The following OSBP2 variants were observed in gnomAD, a reference collection of about 807,000 sequenced individuals.
OSBP2 encodes oxysterol-binding protein 2.
Under a neutral mutation model 96.0 loss-of-function variants are expected in OSBP2, and 66 were observed. The observed-to-expected ratio is 0.69, with a 90% CI of 0.56 to 0.84. The LOEUF is 0.84. Among genes scored for constraint, OSBP2 ranks in the 40% least tolerant of loss-of-function variants. The pLI is 0.00. For missense variants in OSBP2, 1,038 were observed against 1,222.7 expected, an observed-to-expected ratio of 0.85 and a Z score of 2.25; for synonymous variants, 525 against 520.9, an observed-to-expected ratio of 1.01 and a Z score of -0.11.
intron 5 of OSBP2, among the ~76,000 whole-genome samples, chr22:30,888,884 G>A (rs1350698738): frequency 6.6e-6 from 1 of 152,220 alleles, no homozygotes; most frequent in East Asian, 1.9e-4. Flanking sequence ...TGTACAACAT[G>A]TGACTGTACT....
intron 2 of OSBP2, among the ~76,000 whole-genome samples, chr22:30,786,288 G>C (rs2090589666): frequency 6.6e-6 from 1 of 152,128 alleles, no homozygotes; most frequent in African/African-American, 2.4e-5. Flanking sequence ...CTCCCAAAGT[G>C]CTGGGATTTC....
At chr22:30,889,144 A>G (rs1229814223) in intron 5 of OSBP2, 33 bp from the exon 6 acceptor site, 2 of 1,605,120 alleles carry the variant, frequency 1.2e-6, no homozygotes, top group Non-Finnish European at 1.7e-6. Context: ...CTCGGGATTC[A>G]TTAGTAACTT....
At chr22:30,737,326 T>TC (rs1257170326) in intron 1 of OSBP2, among the ~76,000 whole-genome samples, 1 of 147,338 alleles carries the variant, frequency 6.8e-6, no homozygotes, top group African/African-American at 2.5e-5. Flanking sequence ...TTTTTTTTTT[T>TC]TTTTTTTTTT....
chr22:30,871,952 C>T lies in OSBP2; in HGVS notation c.1107+1270C>T, dbSNP rs1238051536. ...CCCAAATGCAGCCTTGGGAATCCCA[C>T]CCTGGGGCCTGAGGCTGGGCGAGGT... On this transcript the variant is annotated intron_variant, in intron 3 of 13. Transcript: ENST00000332585. The surrounding 1 kb of genome is among the most constrained non-coding windows in gnomAD (Gnocchi z 4.7). Among the ~76,000 whole-genome samples, 1 of 152,260 alleles carries T rather than the reference C, an allele frequency of 6.6e-6. No homozygotes were observed. The highest frequency in any genetic ancestry group is 1.5e-5 in the Non-Finnish European group (1 of 68,042).
At chr22:30,808,330 G>A (rs937981454) in intron 2 of OSBP2, among the ~76,000 whole-genome samples, 3 of 152,016 alleles carry the variant, frequency 2.0e-5, no homozygotes, top group African/African-American at 4.8e-5. Context: ...GCAAGATCCT[G>A]TCTCTACAAA....
At chr22:30,726,815 T>A (rs2089658924) in intron 1 of OSBP2, among the ~76,000 whole-genome samples, 1 of 152,120 alleles carries the variant, frequency 6.6e-6, no homozygotes, top group Non-Finnish European at 1.5e-5. Context: ...ATCAGGCCAG[T>A]AGAAAAATGA....
intron 3 of OSBP2, among the ~76,000 whole-genome samples, chr22:30,882,454 C>T (rs1409071696): frequency 6.6e-6 from 1 of 151,192 alleles, no homozygotes; most frequent in Non-Finnish European, 1.5e-5. Context: ...TGGCCTTGGG[C>T]GAGTCCCTCA....
chr22:30,701,347 T>TC (rs1367890187), intron 1 of OSBP2, among the ~76,000 whole-genome samples: 1 of 146,956 alleles, frequency 6.8e-6, no homozygotes, highest in East Asian at 2.0e-4. Flanking sequence ...TTCTTTTCTT[T>TC]TTTTTTTTTT....
intron 2 of OSBP2, among the ~76,000 whole-genome samples, chr22:30,799,511 G>C (rs1446958572): frequency 1.3e-5 from 2 of 152,244 alleles, no homozygotes; most frequent in Admixed American, 1.3e-4. Context: ...TCTTATTACA[G>C]ATGAGGAAAC....
At chr22:30,838,033 T>C (rs2038674277) in intron 2 of OSBP2, among the ~76,000 whole-genome samples, 1 of 152,216 alleles carries the variant, frequency 6.6e-6, no homozygotes, top group Admixed American at 6.5e-5. Flanking sequence ...GAGGTACATA[T>C]TTTTTCTATT....
chr22:30,787,318 A>G (rs1485143327), intron 2 of OSBP2, among the ~76,000 whole-genome samples: 1 of 152,148 alleles, frequency 6.6e-6, no homozygotes. Context: ...ATGGGAGCTA[A>G]GAGGAGGGGG....
chr22:30,755,979 A>T (rs533530159), intron 2 of OSBP2, among the ~76,000 whole-genome samples: 1 of 152,112 alleles, frequency 6.6e-6, no homozygotes, highest in Admixed American at 6.5e-5. Flanking sequence ...GCTGTGCCTT[A>T]ACGTGGAGCA....
chr22:30,809,902 AGCTG>A (rs553155171), intron 2 of OSBP2, among the ~76,000 whole-genome samples: 72 of 152,262 alleles, frequency 4.7e-4, no homozygotes, highest in African/African-American at 1.7e-3. Flanking sequence ...AAACTGCAGG[AGCTG>A]ACCCTCAGGT....
At chr22:30,784,454 G>A (rs1256472140) in intron 2 of OSBP2, among the ~76,000 whole-genome samples, 1 of 151,816 alleles carries the variant, frequency 6.6e-6, no homozygotes, top group Non-Finnish European at 1.5e-5. Flanking sequence ...AGACGAGGTC[G>A]TGCTATGTTG....
chr22:30,720,517 T>A (rs917825665), intron 1 of OSBP2, among the ~76,000 whole-genome samples: 2 of 152,096 alleles, frequency 1.3e-5, no homozygotes, highest in Non-Finnish European at 2.9e-5. Context: ...CAAGACAGAG[T>A]TAGGCAGGAA....
chr22:30,747,881 TTTTA>T (rs934911123), intron 2 of OSBP2, among the ~76,000 whole-genome samples: 7 of 152,304 alleles, frequency 4.6e-5, no homozygotes, highest in African/African-American at 1.7e-4. Context: ...TTATTTTTAT[TTTTA>T]TTTATTTATA....
chr22:30,693,961 T>C, upstream of OSBP2: 2 of 1,039,578 alleles, frequency 1.9e-6, no homozygotes, highest in Non-Finnish European at 2.7e-6. Flanking sequence ...TGAGACTCAG[T>C]CTCAAAAAGG....
At chr22:30,864,822 A>G (rs2039296992) in intron 2 of OSBP2, among the ~76,000 whole-genome samples, 1 of 152,142 alleles carries the variant, frequency 6.6e-6, no homozygotes, top group Admixed American at 6.5e-5. Context: ...AGTGACACCC[A>G]TGAGGGGACG....
At chr22:30,708,850 C>T (rs1401015537) in intron 1 of OSBP2, among the ~76,000 whole-genome samples, 1 of 151,504 alleles carries the variant, frequency 6.6e-6, no homozygotes, top group Non-Finnish European at 1.5e-5. Context: ...CCTGTAATCC[C>T]AGCACTTTGG....
Sources: allele counts gnomAD v4.1 joint callset (sites outside exome capture counted in the v4.1 genomes callset), GRCh38; gene constraint gnomAD v4.1.1; non-coding constraint Gnocchi (gnomAD v3.1); transcripts MANE v1.5; gene names NCBI Gene and HGNC (gene_info 2026-07-23, HGNC 2026-07-21).